PPME1: variants seen among roughly 807,000 people sequenced by gnomAD.
The protein encoded by PPME1 is testicular secretory protein Li 39.
PPME1 carries 17 observed loss-of-function variants against 56.9 expected under a neutral mutation model. The observed-to-expected ratio is 0.30, with a 90% CI of 0.20 to 0.45. The LOEUF (loss-of-function observed/expected upper bound fraction) is 0.45, where lower values mean the gene tolerates loss of function less well. PPME1 is among the 20% of genes least tolerant of loss of function. PPME1 has a pLI of 1.00. For missense variants in PPME1, 357 were observed against 483.2 expected, an observed-to-expected ratio of 0.74 and a Z score of 2.45; for synonymous variants, 122 against 156.2, an observed-to-expected ratio of 0.78 and a Z score of 1.63.
chr11:74,216,638 G>A (rs1466620799), intron 3 of PPME1, among the ~76,000 whole-genome samples: 1 of 151,954 alleles, frequency 6.6e-6, no homozygotes, highest in Admixed American at 6.6e-5. Flanking sequence ...GAAAAATAAA[G>A]ATCAGAGCAG....
At chr11:74,253,162 T>C (rs1859747324) in intron 13 of PPME1, among the ~76,000 whole-genome samples, 1 of 152,110 alleles carries the variant, frequency 6.6e-6, no homozygotes, top group Non-Finnish European at 1.5e-5. Flanking sequence ...GGCAAGACCT[T>C]GGGACAGTGA....
At chr11:74,244,826 G>T (rs1376536544) in intron 9 of PPME1, among the ~76,000 whole-genome samples, 1 of 152,080 alleles carries the variant, frequency 6.6e-6, no homozygotes, top group African/African-American at 2.4e-5. Context: ...TCTTCTAGGA[G>T]TTTTATAGTC....
chr11:74,192,860 C>G (rs1251654211), intron 1 of PPME1, among the ~76,000 whole-genome samples: 2 of 152,184 alleles, frequency 1.3e-5, no homozygotes, highest in Admixed American at 6.5e-5. Context: ...CCATGCAGAA[C>G]CATTAGCCAG....
chr11:74,251,795 C>A, intron 13 of PPME1, 80 bp downstream of exon 13: 3 of 1,547,538 alleles, frequency 1.9e-6, no homozygotes, highest in Non-Finnish European at 2.7e-6. Context: ...CTGTAAATAT[C>A]TCTGCCTTAC....
At chr11:74,253,124 ACAGGG>A (rs1281036681) in intron 13 of PPME1, among the ~76,000 whole-genome samples, 1 of 152,150 alleles carries the variant, frequency 6.6e-6, no homozygotes, top group African/African-American at 2.4e-5. Flanking sequence ...GATGAGAGTG[ACAGGG>A]CAGGGTAAGC....
chr11:74,193,049 GTTGTTGC>G (rs552869690), intron 1 of PPME1, among the ~76,000 whole-genome samples: 157 of 152,288 alleles, frequency 1.0e-3, no homozygotes, highest in African/African-American at 3.5e-3. Context: ...GCCATTGTTG[GTTGTTGC>G]TTTTATTTAA....
chr11:74,219,019 A>G (rs1858728104), intron 3 of PPME1, among the ~76,000 whole-genome samples: 1 of 152,152 alleles, frequency 6.6e-6, no homozygotes, highest in Non-Finnish European at 1.5e-5. Context: ...ATATATAAGG[A>G]GCTCAACAAC....
At chr11:74,198,424 T>C (rs1565380373) in intron 1 of PPME1, among the ~76,000 whole-genome samples, 1 of 152,118 alleles carries the variant, frequency 6.6e-6, no homozygotes, top group African/African-American at 2.4e-5. Flanking sequence ...CTGAAATACT[T>C]TTATCTTTAC....
intron 11 of PPME1, chr11:74,248,748 C>G (rs913832231): frequency 6.6e-6 from 1 of 152,180 alleles, no homozygotes; most frequent in South Asian, 2.1e-4. Flanking sequence ...GAAACCTTTC[C>G]TAGGCACCCT....
chr11:74,204,581 G>A (rs1368209304), intron 3 of PPME1, 136 bp downstream of exon 3: 2 of 670,926 alleles, frequency 3.0e-6, no homozygotes, highest in Non-Finnish European at 5.1e-6. Flanking sequence ...CAGACTGGGT[G>A]GTATGTTCTT....
At chr11:74,192,014 T>C (rs1342200253) in intron 1 of PPME1, among the ~76,000 whole-genome samples, 1 of 152,176 alleles carries the variant, frequency 6.6e-6, no homozygotes, top group African/African-American at 2.4e-5. Flanking sequence ...AACCTTAGAA[T>C]GGTAGAGCCA....
Position 74,247,079 on chromosome 11 carries a change from G to A in PPME1, c.965G>A (p.Gly322Asp). 6.2e-7 allele frequency: 1 copy of A among 1,611,002 alleles called. No homozygotes were observed. The highest frequency in any genetic ancestry group is 8.5e-7 in the Non-Finnish European group (1 of 1,177,886). Residue 322 changes from glycine (G) to aspartate (D), a missense_variant and splice_region_variant, in exon 11 of 14, where the codon GGT (glycine) becomes GAT (aspartate). Gly to Asp is a moderately conservative substitution (Grantham distance 94). Transcript: ENST00000328257. ...CPIPKLLLLA[G>D]VDRLDKDLTI... Reference sequence around the variant, plus strand: ...CACAATGAATTCTCTTGTTTTCTAGGTGTTGATAGATTGGATAAAGATCTG... The same window carrying A: ...CACAATGAATTCTCTTGTTTTCTAGATGTTGATAGATTGGATAAAGATCTG...
chr11:74,247,456 G>T, intron 11 of PPME1: 1 of 185,036 alleles, frequency 5.4e-6, no homozygotes, highest in Non-Finnish European at 1.1e-5. Flanking sequence ...GAGATATTCT[G>T]ACTACTGATC....
intron 1 of PPME1, among the ~76,000 whole-genome samples, chr11:74,201,596 C>T (rs1193024259): frequency 6.6e-6 from 1 of 152,136 alleles, no homozygotes; most frequent in Non-Finnish European, 1.5e-5. Context: ...TTTGTCACTA[C>T]CATTTAGTAG....
At chr11:74,205,493 C>G (rs76970567) in intron 3 of PPME1, 4,751 of 152,320 alleles carry the variant, frequency 0.031, 93 homozygotes, top group Non-Finnish European at 0.05. Context: ...AAAATGAGAG[C>G]AAGTGGGAAT....
intron 1 of PPME1, among the ~76,000 whole-genome samples, chr11:74,199,626 C>T (rs1252288345): frequency 6.6e-6 from 1 of 152,120 alleles, no homozygotes; most frequent in African/African-American, 2.4e-5. Context: ...AGGGGTACAC[C>T]ACCACAACCA....
chr11:74,252,433 C>G (rs1163979582), intron 13 of PPME1: 5 of 454,872 alleles, frequency 1.1e-5, no homozygotes, highest in African/African-American at 8.0e-5. Flanking sequence ...ACAGTGTCTT[C>G]CCATGGCCAG....
chr11:74,247,463 G>T, intron 11 of PPME1: 1 of 174,120 alleles, frequency 5.7e-6, no homozygotes, highest in Non-Finnish European at 1.2e-5. Flanking sequence ...TCTGACTACT[G>T]ATCAGTTTTT....
At chr11:74,221,784 A>G (rs1409812690) in intron 3 of PPME1, among the ~76,000 whole-genome samples, 2 of 152,162 alleles carry the variant, frequency 1.3e-5, no homozygotes, top group Non-Finnish European at 2.9e-5. Context: ...ATTTTTTTCA[A>G]TAAATTTTTA....
Sources: gnomAD v4.1 joint callset for allele counts (sites outside exome capture counted in the v4.1 genomes callset) on GRCh38, gnomAD v4.1.1 for gene constraint, MANE v1.5 for transcripts, NCBI Gene and HGNC (gene_info 2026-07-23, HGNC 2026-07-21) for gene names.